RGSL1: variants seen among roughly 807,000 people sequenced by gnomAD.
The protein encoded by RGSL1 is regulator of G protein signaling like 1.
RGSL1 carries 97 observed loss-of-function variants against 124.7 expected under a neutral mutation model. That is an observed-to-expected ratio of 0.78 (90% CI 0.66 to 0.92). RGSL1 has a LOEUF of 0.92. Among genes scored for constraint, RGSL1 ranks in the 40% least tolerant of loss-of-function variants. The pLI, the probability that RGSL1 is intolerant of heterozygous loss-of-function variation, is 0.00. For missense variants in RGSL1, 1,233 were observed against 1,288.4 expected, an observed-to-expected ratio of 0.96 and a Z score of 0.66; for synonymous variants, 424 against 438.1, an observed-to-expected ratio of 0.97 and a Z score of 0.40.
At chr1:182,499,708 C>G (rs950831093) in intron 9 of RGSL1, among the ~76,000 whole-genome samples, 2 of 152,196 alleles carry the variant, frequency 1.3e-5, no homozygotes, top group Non-Finnish European at 2.9e-5. Flanking sequence ...GGATTTGATT[C>G]TGTCCTCATT....
At chr1:182,518,351 G>C (rs1427247540) in intron 9 of RGSL1, among the ~76,000 whole-genome samples, 2 of 152,164 alleles carry the variant, frequency 1.3e-5, no homozygotes, top group East Asian at 1.9e-4. Context: ...CCCAAACGGA[G>C]GGGATCTCAA....
rs372963983 is a variant in RGSL1 at position 182,554,643 on chromosome 1, T to C, written c.3147T>C (p.Leu1049=). 1.2e-5 allele frequency: 18 copies of C among 1,551,566 alleles called. No individual in the cohort carries two copies. The highest frequency in any genetic ancestry group is 1.5e-5 in the Non-Finnish European group (17 of 1,146,984). Residue 1049 remains leucine (L), a synonymous_variant, in exon 20 of 22, where the codon CTT becomes CTC. Transcript: ENST00000294854. ...SSVQNSSSSK[L]TQPRLVVSAM... ...TCTCTTTAGCTTCATCAAGCAAACTTACTCAGCCAAGACTCGTGGTATCTG... is the reference window on the plus strand; with the variant it reads ...TCTCTTTAGCTTCATCAAGCAAACTCACTCAGCCAAGACTCGTGGTATCTG...
At chr1:182,450,322 C>A (rs1651711912) in intron 1 of RGSL1, 144 bp downstream of exon 1, 2 of 862,590 alleles carry the variant, frequency 2.3e-6, no homozygotes, top group African/African-American at 1.7e-5. Flanking sequence ...TTTTCCTTCT[C>A]TTTCTCCTTC....
At chr1:182,467,836 C>A (rs1042539255) in intron 4 of RGSL1, among the ~76,000 whole-genome samples, 1 of 152,110 alleles carries the variant, frequency 6.6e-6, no homozygotes, top group Non-Finnish European at 1.5e-5. Flanking sequence ...AGGCAACCTA[C>A]GGAATGGAAG....
intron 6 of RGSL1, among the ~76,000 whole-genome samples, chr1:182,477,292 A>T (rs1472103238): frequency 6.6e-6 from 1 of 151,988 alleles, no homozygotes; most frequent in African/African-American, 2.4e-5. Context: ...ATTTGTCCAT[A>T]ATTTTGCCAC....
intron 9 of RGSL1, among the ~76,000 whole-genome samples, chr1:182,508,304 T>TTG (rs1553266251): frequency 7.2e-6 from 1 of 139,726 alleles, no homozygotes; most frequent in Non-Finnish European, 1.5e-5. Flanking sequence ...TTTTTTTTTT[T>TTG]TTTTTTTTTT....
At chr1:182,452,555 C>T (rs961712464) in intron 1 of RGSL1, among the ~76,000 whole-genome samples, 10 of 151,694 alleles carry the variant, frequency 6.6e-5, no homozygotes, top group Admixed American at 1.3e-4. Flanking sequence ...TGGCTTCAAG[C>T]GATTCTCCTG....
rs1392826205 is a variant in RGSL1 at position 182,454,032 on chromosome 1, T to C, written c.88T>C (p.Ser30Pro). ...TGCCGATTTTTTCAACACATTTCTT[T>C]CCCTCCCGGTAAGCATTCTCAGATT... Reference protein sequence around the residue: ...VFADFFNTFLSLPVFGQTPFY... With the variant: ...VFADFFNTFLPLPVFGQTPFY... Residue 30 changes from serine to proline, a missense_variant, in exon 2 of 22, where the codon TCC (serine) becomes CCC (proline). Coordinates refer to ENST00000294854, the MANE Select transcript of RGSL1 (RefSeq NM_001137669.2). 2 of 1,511,834 alleles carry C rather than the reference T, an allele frequency of 1.3e-6. No homozygotes were observed. The highest frequency in any genetic ancestry group is 2.8e-5 in the African/African-American group (2 of 72,208). The allele number at this position is 1,511,834 out of a possible 1,614,324, so 93.7% of individuals were successfully genotyped here.
chr1:182,488,598 C>T (rs1003895038), intron 7 of RGSL1: 45 of 422,624 alleles, frequency 1.1e-4, no homozygotes, highest in South Asian at 4.4e-4. Context: ...TAGTGGCGGG[C>T]GCCTGTAGTC....
rs777751033 is a variant in RGSL1 at position 182,453,929 on chromosome 1, TG to T, written c.14-28del. 4 of 1,224,192 alleles carry T rather than the reference TG, an allele frequency of 3.3e-6. No homozygotes were observed. The African/African-American group carries it at 4.5e-5, about 14-fold the overall frequency. The allele number at this position is 1,224,192 out of a possible 1,614,324, so 75.8% of individuals were successfully genotyped here. A position where few individuals can be genotyped will look rare whatever the true frequency, so the allele number is the denominator to read the frequency against. On this transcript the variant is annotated intron_variant, in intron 1 of 21. Coordinates refer to ENST00000294854, the MANE Select transcript of RGSL1 (RefSeq NM_001137669.2). ...CTGAATGCAATTCTGGTTCATGTTTTGTTTTTTTATTTCTCTCTCTCCATAT... is the reference window on the plus strand; with the variant it reads ...CTGAATGCAATTCTGGTTCATGTTTTTTTTTTTATTTCTCTCTCTCCATAT...
In RGSL1 at chr1:182,553,443, G is replaced by A. The variant is rs778600866; in HGVS notation, c.3044-12G>A. On this transcript the variant is annotated splice_polypyrimidine_tract_variant and intron_variant, in intron 18 of 21. Transcript: ENST00000294854. ...GCAGGTGTTTTTAATGCTTGTTTTT[G>A]TCCTTCCCCAGGAGACAATGCCATC... 1 of 1,549,904 alleles carries A rather than the reference G, an allele frequency of 6.5e-7. No individual in the cohort carries two copies. Among genetic ancestry groups the A allele is most frequent in the Non-Finnish European group, 8.7e-7 (1 of 1,146,018 alleles).
chr1:182,538,527 CAA>C, intron 14 of RGSL1, among the ~76,000 whole-genome samples: 1 of 134,402 alleles, frequency 7.4e-6, no homozygotes, highest in African/African-American at 2.8e-5. Flanking sequence ...GACTCCCTCT[CAA>C]AAAAAAAAAA....
At chr1:182,511,490 G>A (rs1426424143) in intron 9 of RGSL1, among the ~76,000 whole-genome samples, 3 of 152,158 alleles carry the variant, frequency 2.0e-5, no homozygotes, top group Admixed American at 1.3e-4. Context: ...AGCTTTCTTA[G>A]CACCATTTAT....
At chr1:182,475,376 G>A (rs1482199836) in intron 6 of RGSL1, among the ~76,000 whole-genome samples, 1 of 152,128 alleles carries the variant, frequency 6.6e-6, no homozygotes, top group Non-Finnish European at 1.5e-5. Context: ...GAAAGCAAAC[G>A]GCAAAGTTAA....
At chr1:182,453,060 C>G (rs928361527) in intron 1 of RGSL1, among the ~76,000 whole-genome samples, 1 of 152,148 alleles carries the variant, frequency 6.6e-6, no homozygotes, top group Non-Finnish European at 1.5e-5. Context: ...AGAGGAAACT[C>G]TTATTTACTA....
At chr1:182,551,341 G>T in intron 18 of RGSL1, 132 bp downstream of exon 18, 1 of 690,468 alleles carries the variant, frequency 1.4e-6, no homozygotes, top group South Asian at 1.8e-5. Context: ...TCATTTACTT[G>T]GCCCTCAGGG....
intron 8 of RGSL1, among the ~76,000 whole-genome samples, chr1:182,492,398 T>C (rs1216266979): frequency 6.6e-6 from 1 of 152,038 alleles, no homozygotes; most frequent in Non-Finnish European, 1.5e-5. Flanking sequence ...TTTGTATGAG[T>C]TACTTCTCAT....
At position 182,454,034 on chromosome 1, in the gene RGSL1, C is replaced by T. The variant is rs1310208459; in HGVS notation, c.90C>T (p.Ser30=). 1.3e-6 allele frequency: 2 copies of T among 1,511,256 alleles called. No individual in the cohort carries two copies. Among genetic ancestry groups the T allele is most frequent in the East Asian group, 2.5e-5 (1 of 40,708 alleles). The allele number at this position is 1,511,256 out of a possible 1,614,324, so 93.6% of individuals were successfully genotyped here. A position where few individuals can be genotyped will look rare whatever the true frequency, so the allele number is the denominator to read the frequency against. ...VFADFFNTFL[S]LPVFGQTPFY... is the part of the protein sequence containing the mutation. ...CCGATTTTTTCAACACATTTCTTTC[C>T]CTCCCGGTAAGCATTCTCAGATTTA... The change falls in exon 2 of 22, where the codon TCC becomes TCT. Residue 30 remains serine (S), a synonymous_variant. Transcript: ENST00000294854.
chr1:182,520,744 A>G (rs1357577799), intron 9 of RGSL1, among the ~76,000 whole-genome samples: 1 of 151,504 alleles, frequency 6.6e-6, no homozygotes, highest in Non-Finnish European at 1.5e-5. Context: ...CATAGTCTAG[A>G]TTTTCTTTTT....
Sources: gnomAD v4.1 joint callset for allele counts (sites outside exome capture counted in the v4.1 genomes callset) on GRCh38, gnomAD v4.1.1 for gene constraint, MANE v1.5 for transcripts, NCBI Gene and HGNC (gene_info 2026-07-23, HGNC 2026-07-21) for gene names.